The following SPATA1 variants were observed in gnomAD, a reference collection of about 807,000 sequenced individuals.
SPATA1 encodes the protein spermatogenesis associated 1, also known as spermatogenesis-associated protein 1.
Under a neutral mutation model 59.6 loss-of-function variants are expected in SPATA1, and 57 were observed. That is an observed-to-expected ratio of 0.96 (90% CI 0.77 to 1.19). The LOEUF (loss-of-function observed/expected upper bound fraction) is 1.19. SPATA1 is among the 50% of genes most tolerant of loss of function. The pLI, the probability that SPATA1 is intolerant of heterozygous loss-of-function variation, is 0.00. For synonymous variants in SPATA1, 147 were observed against 163.9 expected (o/e 0.90, Z 0.79); for missense variants, 448 against 480.7 (o/e 0.93, Z 0.64).
At position 84,533,722 on chromosome 1, in the gene SPATA1, G is replaced by T; in HGVS notation, c.673G>T (p.Glu225Ter). Residue 225 changes from glutamate to a stop codon, truncating the protein, a stop_gained, in exon 8 of 13, where the codon GAA becomes TAA. Transcript: ENST00000490879. LOFTEE classifies it high-confidence loss of function. ...ATTTCCTTTAAGTCAGTGTCTTTGGGAAAATGAAGATGATACAGCTATCAG... is the reference window on the plus strand; with the variant it reads ...ATTTCCTTTAAGTCAGTGTCTTTGGTAAAATGAAGATGATACAGCTATCAG... 1 of 1,564,896 alleles carries T rather than the reference G, an allele frequency of 6.4e-7. No individual in the cohort carries two copies. The highest frequency in any genetic ancestry group is 1.2e-5 in the South Asian group (1 of 84,462).
downstream of SPATA1, among the ~76,000 whole-genome samples, chr1:84,559,049 T>C (rs1302143958): frequency 6.6e-6 from 1 of 152,212 alleles, no homozygotes; most frequent in Non-Finnish European, 1.5e-5. Context: ...ATTACAGGCA[T>C]ACCTCATTTT....
At chr1:84,525,187 G>A (rs561748477) in intron 4 of SPATA1, among the ~76,000 whole-genome samples, 6 of 152,224 alleles carry the variant, frequency 3.9e-5, no homozygotes, top group South Asian at 4.1e-4. Context: ...GGCTGGCCTC[G>A]AACTCCTGAC....
At chr1:84,522,506 T>C in exon 4 of SPATA1, 1 of 1,491,178 alleles carries the variant, frequency 6.7e-7, no homozygotes, top group Non-Finnish European at 9.0e-7. Flanking sequence ...AATTTAGCTG[T>C]GGTAAGTTTT....
intron 1 of SPATA1, among the ~76,000 whole-genome samples, chr1:84,513,850 T>A (rs1361100585): frequency 1.3e-5 from 2 of 148,976 alleles, no homozygotes; most frequent in Non-Finnish European, 3.0e-5. Context: ...CTATTTTTTT[T>A]TTTTTTTTTG....
At chr1:84,567,199 C>T (rs192315050), downstream of SPATA1, among the ~76,000 whole-genome samples, 22 of 152,156 alleles carry the variant, frequency 1.4e-4, no homozygotes, top group African/African-American at 4.8e-4. Flanking sequence ...TTTATAATTC[C>T]GTGAATATTA....
intron 6 of SPATA1, among the ~76,000 whole-genome samples, chr1:84,529,858 CT>C (rs71582921): frequency 0.018 from 2,073 of 117,402 alleles, 40 homozygotes; most frequent in African/African-American, 0.054. Context: ...AGCCTAAACT[CT>C]TTTTTTTTTT....
Position 84,508,552 on chromosome 1 carries a change from C to T in SPATA1, c.-138+2134C>T, listed in dbSNP as rs372040141. On this transcript the variant is annotated intron_variant, in intron 1 of 12. Coordinates refer to ENST00000490879, the Ensembl canonical transcript of SPATA1. ...AAGAAAAGACCACCAAGTAATCTGT[C>T]ACTTTATGTTTTGTCAGCAGAGCAC... Among the ~76,000 whole-genome samples the T allele has an allele frequency of 3.3e-5, 5 of 152,308 alleles. No homozygotes were observed. In the South Asian group the frequency reaches 1.0e-3, roughly 32 times the overall value.
exon 12 of SPATA1, chr1:84,550,520 T>A: frequency 6.5e-7 from 1 of 1,540,896 alleles, no homozygotes; most frequent in Non-Finnish European, 8.8e-7. Flanking sequence ...AAACTCATAG[T>A]AGAAGTTAAG....
intron 8 of SPATA1, among the ~76,000 whole-genome samples, chr1:84,534,857 C>G (rs773417149): frequency 3.9e-5 from 6 of 152,118 alleles, no homozygotes; most frequent in Non-Finnish European, 8.8e-5. Flanking sequence ...TCACAAACTT[C>G]AAATGAGTCT....
Position 84,545,876 on chromosome 1 carries a change from T to TA in SPATA1, c.946+117_946+118insA, listed in dbSNP as rs1431278092. On this transcript the variant is annotated intron_variant, in intron 10 of 12. Transcript: ENST00000490879. ...ATATTTACTGTTTTACTATTTTAGT[T>TA]TAAGTGGTACATGATTAAGTTCAAT... The TA allele has an allele frequency of 2.9e-5, 22 of 764,126 alleles. No homozygotes were observed. The African/African-American group carries it at 3.8e-4, about 13-fold the overall frequency. The allele number at this position is 764,126 out of a possible 1,614,324, so 47.3% of individuals were successfully genotyped here.
At chr1:84,534,809 C>T (rs761148945) in intron 8 of SPATA1, among the ~76,000 whole-genome samples, 1 of 152,092 alleles carries the variant, frequency 6.6e-6, no homozygotes, top group Non-Finnish European at 1.5e-5. Flanking sequence ...TTATGTCTTT[C>T]ATACCCATTG....
intron 6 of SPATA1, among the ~76,000 whole-genome samples, chr1:84,530,413 A>C (rs886519429): frequency 6.6e-6 from 1 of 152,178 alleles, no homozygotes; most frequent in Non-Finnish European, 1.5e-5. Context: ...GAGGGAGAGA[A>C]GTACTATGAA....
rs1419663947 is a variant in SPATA1 at position 84,533,693 on chromosome 1, T to C, written c.660-16T>C. On this transcript the variant is annotated splice_polypyrimidine_tract_variant and intron_variant, in intron 7 of 12. Transcript: ENST00000490879. ...ATCATGTTTTAATGACTTTCAAACCTGTCATTTCCTTTAAGTCAGTGTCTT... is the reference window on the plus strand; with the variant it reads ...ATCATGTTTTAATGACTTTCAAACCCGTCATTTCCTTTAAGTCAGTGTCTT... The C allele has an allele frequency of 1.3e-6, 2 of 1,544,182 alleles. No homozygotes were observed. The highest frequency in any genetic ancestry group is 2.4e-5 in the East Asian group (1 of 42,002).
downstream of SPATA1, chr1:84,554,991 A>G (rs754652720): frequency 7.4e-6 from 12 of 1,611,816 alleles, no homozygotes; most frequent in Non-Finnish European, 1.0e-5. Flanking sequence ...TGGTTTGACA[A>G]AAGATGTTCA....
chr1:84,563,799 G>C (rs998756788), intron 4 of SPATA1: 8 of 1,607,946 alleles, frequency 5.0e-6, no homozygotes, highest in Non-Finnish European at 6.8e-6. Context: ...AAGTTTCTTA[G>C]GATTAATGCT....
chr1:84,547,153 T>C (rs1684116828), intron 10 of SPATA1, among the ~76,000 whole-genome samples: 1 of 152,150 alleles, frequency 6.6e-6, no homozygotes, highest in South Asian at 2.1e-4. Context: ...TGGCAATGAG[T>C]CAGCCTTGTT....
At chr1:84,510,519 T>C (rs1682491391) in intron 1 of SPATA1, among the ~76,000 whole-genome samples, 1 of 152,102 alleles carries the variant, frequency 6.6e-6, no homozygotes, top group South Asian at 2.1e-4. Context: ...CAAATGCTGG[T>C]GAGGATGTGG....
At chr1:84,563,459 T>C (rs750439734) in intron 4 of SPATA1, 4 of 1,381,276 alleles carry the variant, frequency 2.9e-6, no homozygotes, top group East Asian at 2.7e-5. Flanking sequence ...TTATCAATTA[T>C]GCAATTCTTA....
chr1:84,545,894 A>C (rs1684070880), intron 10 of SPATA1, 135 bp downstream of exon 10: 1 of 567,646 alleles, frequency 1.8e-6, no homozygotes, highest in African/African-American at 2.0e-5. Flanking sequence ...TACATGATTA[A>C]GTTCAATATA....
Sources: allele counts gnomAD v4.1 joint callset (sites outside exome capture counted in the v4.1 genomes callset), GRCh38; gene constraint gnomAD v4.1.1; transcripts MANE v1.5; gene names NCBI Gene and HGNC (gene_info 2026-07-23, HGNC 2026-07-21).